EFHC1: variants seen among roughly 807,000 people sequenced by gnomAD.
EFHC1 encodes the protein EF-hand domain containing 1.
A neutral mutation model predicts 69.9 loss-of-function variants in EFHC1; 53 were observed. That is an observed-to-expected ratio of 0.76 (90% CI 0.61 to 0.95). The LOEUF is 0.95. Ranked by LOEUF, EFHC1 falls within the 40% of genes least tolerant of loss-of-function variation. The probability of loss-of-function intolerance (pLI) is 0.00; values close to 1 mark genes in which losing one functional copy is unlikely to be tolerated. For synonymous variants in EFHC1, 256 were observed against 278.4 expected (o/e 0.92, Z 0.80); for missense variants, 739 against 798.7 (o/e 0.93, Z 0.90).
chr6:52,443,256 T>C (rs867921025), intron 3 of EFHC1, among the ~76,000 whole-genome samples: 1 of 152,340 alleles, frequency 6.6e-6, no homozygotes, highest in South Asian at 2.1e-4. Context: ...ACTCAGATGG[T>C]AGTTTATTTT....
At chr6:52,476,554 A>AC (rs1239293339) in intron 7 of EFHC1, among the ~76,000 whole-genome samples, 2 of 152,216 alleles carry the variant, frequency 1.3e-5, no homozygotes, top group African/African-American at 2.4e-5. Context: ...AGAAACCTTA[A>AC]CCAAGTGATC....
Position 52,469,333 on chromosome 6 carries a change from G to A in EFHC1, c.1138G>A (p.Glu380Lys), listed in dbSNP as rs1467949711. The change falls in exon 7 of 11, where the codon GAG (glutamate) becomes AAG (lysine). Residue 380 changes from glutamate to lysine, a missense_variant and splice_region_variant. Coordinates refer to ENST00000371068, the MANE Select transcript of EFHC1 (RefSeq NM_018100.4). The stretch of plus-strand genomic sequence containing the variant: ...CTTCTTGCTTCCTATGTATCTCCAG[G>A]AGTTGCCTCCTTATAACGGTTTTGG... ...SKREPPPVKQ[E>K]LPPYNGFGLV... The A allele has an allele frequency of 6.2e-7, 1 of 1,613,860 alleles. No homozygotes were observed.
intron 9 of EFHC1, 36 bp downstream of exon 9, chr6:52,479,823 G>A (rs1487761808): frequency 1.2e-6 from 2 of 1,611,884 alleles, no homozygotes; most frequent in Admixed American, 3.3e-5. Context: ...GCACACTCAA[G>A]ATATTCAGGA....
intron 6 of EFHC1, among the ~76,000 whole-genome samples, chr6:52,467,997 A>G (rs1765347592): frequency 6.6e-6 from 1 of 152,222 alleles, no homozygotes; most frequent in Non-Finnish European, 1.5e-5. Flanking sequence ...AAATGGATAT[A>G]TTCAATTCGA....
chr6:52,423,998 T>C lies in EFHC1; in HGVS notation c.116T>C (p.Ile39Thr). 1 of 1,614,114 alleles carries C rather than the reference T, an allele frequency of 6.2e-7. No homozygotes were observed. Among genetic ancestry groups the C allele is most frequent in the South Asian group, 1.1e-5 (1 of 91,084 alleles). ...CTGAGCTACAGGAACGGCTATGCAA[T>C]TGTTCGACGTCCAACAGTTGGGATA... ...QTLSYRNGYAIVRRPTVGIGG... is the reference protein window; with the variant it reads ...QTLSYRNGYATVRRPTVGIGG... Residue 39 changes from isoleucine to threonine, a missense_variant, in exon 2 of 11, where the codon ATT (isoleucine) becomes ACT (threonine). By Grantham distance (89) the Ile-to-Thr change is moderately conservative. Transcript: ENST00000371068.
At chr6:52,479,995 C>T in intron 9 of EFHC1, 15 of 795,832 alleles carry the variant, frequency 1.9e-5, no homozygotes, top group Non-Finnish European at 2.9e-5. Flanking sequence ...TACAGTTGAC[C>T]CTTGAACAAT....
intron 2 of EFHC1, chr6:52,428,287 C>T (rs993226359): frequency 2.6e-5 from 4 of 152,116 alleles, no homozygotes; most frequent in East Asian, 1.9e-4. Flanking sequence ...GTGCACCCAT[C>T]ACCCAGGCAG....
At chr6:52,430,193 T>C (rs1414629399) in intron 2 of EFHC1, 1 of 152,178 alleles carries the variant, frequency 6.6e-6, no homozygotes, top group African/African-American at 2.4e-5. Context: ...TTGGATGACC[T>C]TTATTTCTTT....
chr6:52,493,537 A>C lies in EFHC1; in HGVS notation c.*1196A>C. Reference sequence around the variant, plus strand: ...TGTGGTGGCGTGTGCCTGTAGTCCCAGCCACTCGGGAGGCTTAAATGGGAG... The same window carrying C: ...TGTGGTGGCGTGTGCCTGTAGTCCCCGCCACTCGGGAGGCTTAAATGGGAG... On this transcript the variant is annotated 3_prime_UTR_variant, in exon 11 of 11. Transcript: ENST00000371068. 7 of 423,852 alleles carry C rather than the reference A, an allele frequency of 1.7e-5. No individual in the cohort carries two copies. The highest frequency in any genetic ancestry group is 8.5e-5 in the South Asian group (5 of 58,608). The allele number at this position is 423,852 out of a possible 1,614,324, so 26.3% of individuals were successfully genotyped here. A position where few individuals can be genotyped will look rare whatever the true frequency, so the allele number is the denominator to read the frequency against.
intron 5 of EFHC1, among the ~76,000 whole-genome samples, chr6:52,459,002 A>C (rs557372215): frequency 6.6e-6 from 1 of 152,348 alleles, no homozygotes; most frequent in East Asian, 1.9e-4. Flanking sequence ...GAATTAACAC[A>C]GAAACAGAGC....
Position 52,496,866 on chromosome 6 carries a change from C to T in EFHC1, c.*4525C>T, listed in dbSNP as rs557123509. 1.3e-5 allele frequency: 2 copies of T among 152,342 alleles called. No homozygotes were observed. Among genetic ancestry groups the T allele is most frequent in the South Asian group, 2.1e-4 (1 of 4,824 alleles). 9.4% of individuals were successfully genotyped at this position (152,342 alleles called of 1,614,324 possible). Reference sequence around the variant, plus strand: ...TGACTAACTGCCACCTGTAACTGCACTCATCTTTTGAGATCTTTTTCCAAA... The same window carrying T: ...TGACTAACTGCCACCTGTAACTGCATTCATCTTTTGAGATCTTTTTCCAAA... On this transcript the variant is annotated 3_prime_UTR_variant, in exon 11 of 11. Coordinates refer to ENST00000371068, the MANE Select transcript of EFHC1 (RefSeq NM_018100.4).
intron 10 of EFHC1, among the ~76,000 whole-genome samples, chr6:52,491,748 A>G (rs538482713): frequency 6.6e-6 from 1 of 152,328 alleles, no homozygotes; most frequent in South Asian, 2.1e-4. Context: ...CCCTGCTTCT[A>G]GTGAGCAAAG....
At chr6:52,479,543 A>T (rs1765624993) in intron 8 of EFHC1, 97 bp from the exon 9 acceptor site, 1 of 1,548,976 alleles carries the variant, frequency 6.5e-7, no homozygotes, top group Non-Finnish European at 8.9e-7. Context: ...TCATAAATGC[A>T]TACCTGTGAA....
Position 52,494,039 on chromosome 6 carries a change from G to C in EFHC1, c.*1698G>C. Reference sequence around the variant, plus strand: ...GGTTATTATCTTGGGAATAACCCATGTTTTGTTTTGTTTTACCCTCAGTCG... The same window carrying C: ...GGTTATTATCTTGGGAATAACCCATCTTTTGTTTTGTTTTACCCTCAGTCG... On this transcript the variant is annotated 3_prime_UTR_variant, in exon 11 of 11. Coordinates refer to ENST00000371068, the MANE Select transcript of EFHC1 (RefSeq NM_018100.4). 1 of 453,164 alleles carries C rather than the reference G, an allele frequency of 2.2e-6. No individual in the cohort carries two copies. The highest frequency in any genetic ancestry group is 1.6e-5 in the South Asian group (1 of 64,404). 28.1% of individuals were successfully genotyped at this position (453,164 alleles called of 1,614,324 possible).
chr6:52,456,853 T>C (rs1765055456), intron 5 of EFHC1, among the ~76,000 whole-genome samples: 1 of 152,114 alleles, frequency 6.6e-6, no homozygotes, highest in South Asian at 2.1e-4. Context: ...AGACAGAGGC[T>C]GCAGTGAGCG....
At position 52,495,840 on chromosome 6, in the gene EFHC1, A is replaced by C. The variant is rs772530875; in HGVS notation, c.*3499A>C. On this transcript the variant is annotated 3_prime_UTR_variant, in exon 11 of 11. Coordinates refer to ENST00000371068, the MANE Select transcript of EFHC1 (RefSeq NM_018100.4). Reference sequence around the variant, plus strand: ...CCTTTTAAGTTTACTTAAGACTGAGAAGCTGAGATCTGACAGCACCAACAC... The same window carrying C: ...CCTTTTAAGTTTACTTAAGACTGAGCAGCTGAGATCTGACAGCACCAACAC... 1 of 346,446 alleles carries C rather than the reference A, an allele frequency of 2.9e-6. No homozygotes were observed. The highest frequency in any genetic ancestry group is 5.7e-6 in the Non-Finnish European group (1 of 176,492). The allele number at this position is 346,446 out of a possible 1,614,324, so 21.5% of individuals were successfully genotyped here.
intron 9 of EFHC1, chr6:52,481,886 A>G (rs1765685081): frequency 6.6e-6 from 1 of 152,254 alleles, no homozygotes; most frequent in Non-Finnish European, 1.5e-5. Flanking sequence ...GGGTCCACCA[A>G]CGCTTACAGT....
intron 3 of EFHC1, among the ~76,000 whole-genome samples, chr6:52,444,499 G>A (rs1764735948): frequency 6.6e-6 from 1 of 152,192 alleles, no homozygotes; most frequent in African/African-American, 2.4e-5. Context: ...TTAGCATGAA[G>A]GACTGTTGAA....
Position 52,438,295 on chromosome 6 carries a change from A to T in EFHC1, c.286-9A>T. On this transcript the variant is annotated splice_polypyrimidine_tract_variant and intron_variant, in intron 2 of 10. Transcript: ENST00000371068. ...AGTACACCATTTCTCCTTTCCTTGT[A>T]TGTTATAGGTACTGAAATTTGATGC... 1.2e-6 allele frequency: 2 copies of T among 1,610,990 alleles called. No homozygotes were observed. The highest frequency in any genetic ancestry group is 4.5e-5 in the East Asian group (2 of 44,844).
Sources: gnomAD v4.1 joint callset for allele counts (sites outside exome capture counted in the v4.1 genomes callset) on GRCh38, gnomAD v4.1.1 for gene constraint, MANE v1.5 for transcripts, NCBI Gene and HGNC (gene_info 2026-07-23, HGNC 2026-07-21) for gene names.